Variants in PITPNM3 observed in about 807,000 individuals in gnomAD.
The protein encoded by PITPNM3 is PITPNM family member 3, also known as membrane-associated phosphatidylinositol transfer protein 3.
In PITPNM3, 26 loss-of-function variants were observed where a neutral mutation model predicts 102.0. The ratio of observed to expected loss-of-function variants is 0.25; its 90% confidence interval spans 0.19 to 0.35. The LOEUF (loss-of-function observed/expected upper bound fraction) is 0.35, where lower values mean the gene tolerates loss of function less well. Among genes scored for constraint, PITPNM3 ranks in the 10% least tolerant of loss-of-function variants. The pLI, the probability that PITPNM3 is intolerant of heterozygous loss-of-function variation, is 1.00. For synonymous variants in PITPNM3, 578 were observed against 558.6 expected (o/e 1.03, Z -0.49); for missense variants, 1,083 against 1,346.1 (o/e 0.80, Z 3.06).
At chr17:6,516,385 A>T (rs1490960141) in intron 3 of PITPNM3, among the ~76,000 whole-genome samples, 1 of 151,462 alleles carries the variant, frequency 6.6e-6, no homozygotes, top group Non-Finnish European at 1.5e-5. Context: ...AACATGGCGA[A>T]ACCCCGTCTC....
intron 4 of PITPNM3, among the ~76,000 whole-genome samples, chr17:6,494,905 A>G (rs957474653): frequency 6.6e-6 from 1 of 152,158 alleles, no homozygotes; most frequent in African/African-American, 2.4e-5. Context: ...GATTAAATAA[A>G]TTGGACCACA....
At chr17:6,520,176 A>G (rs748034827) in intron 3 of PITPNM3, among the ~76,000 whole-genome samples, 4 of 152,236 alleles carry the variant, frequency 2.6e-5, no homozygotes, top group African/African-American at 4.8e-5. Context: ...TTACCCGACC[A>G]TTACATAAAA....
At chr17:6,510,250 C>A (rs1907793714) in intron 3 of PITPNM3, among the ~76,000 whole-genome samples, 3 of 152,178 alleles carry the variant, frequency 2.0e-5, no homozygotes, top group Non-Finnish European at 4.4e-5. Flanking sequence ...TTTATACTAA[C>A]AATCTATGAG....
At chr17:6,463,619 C>T in intron 17 of PITPNM3, 113 bp downstream of exon 17, 1 of 1,437,674 alleles carries the variant, frequency 7.0e-7, no homozygotes, top group Non-Finnish European at 9.4e-7. Flanking sequence ...CAGCTCGCAG[C>T]CCCAGAGACC....
At chr17:6,549,173 C>G (rs1268519922) in intron 1 of PITPNM3, among the ~76,000 whole-genome samples, 1 of 152,152 alleles carries the variant, frequency 6.6e-6, no homozygotes, top group Non-Finnish European at 1.5e-5. Flanking sequence ...GAGACTCCTG[C>G]TTTCCAGAGG....
Position 6,471,416 on chromosome 17 carries a change from G to A in PITPNM3, c.1430-61C>T, listed in dbSNP as rs570114033. 7.4e-5 allele frequency: 105 copies of A among 1,410,866 alleles called. No individual in the cohort carries two copies. The African/African-American group carries it at 1.4e-3, about 19-fold the overall frequency. 87.4% of individuals were successfully genotyped at this position (1,410,866 alleles called of 1,614,324 possible). On this transcript the variant is annotated intron_variant, in intron 11 of 19. Coordinates refer to ENST00000262483, the MANE Select transcript of PITPNM3 (RefSeq NM_031220.4). ...TGTCTCCAGCAGAGCTGCCCACTCA[G>A]TGCCAGCCCCATGCTGGGAGGGAGG...
At chr17:6,544,193 G>T (rs555725127) in intron 1 of PITPNM3, among the ~76,000 whole-genome samples, 2 of 152,332 alleles carry the variant, frequency 1.3e-5, no homozygotes, top group Admixed American at 1.3e-4. Context: ...ACTGCAGCCT[G>T]CCAATGCTGG....
chr17:6,502,416 A>C lies in PITPNM3; in HGVS notation c.274+1111T>G, dbSNP rs531531175. Among the ~76,000 whole-genome samples, 13 of 152,218 alleles carry C rather than the reference A, an allele frequency of 8.5e-5. No homozygotes were observed. The South Asian group carries it at 2.7e-3, about 32-fold the overall frequency. ...GGTTGTAGTGAGCCGAGATCGTGCC[A>C]TTGCGCTCCAGCCTGGGTGACAGAG... On this transcript the variant is annotated intron_variant, in intron 4 of 19. Coordinates refer to ENST00000262483, the MANE Select transcript of PITPNM3 (RefSeq NM_031220.4).
intron 3 of PITPNM3, among the ~76,000 whole-genome samples, chr17:6,518,639 G>C (rs186515867): frequency 2.6e-5 from 4 of 152,240 alleles, no homozygotes; most frequent in Non-Finnish European, 5.9e-5. Flanking sequence ...AAACTAAGTA[G>C]AGAAAACGGT....
intron 4 of PITPNM3, among the ~76,000 whole-genome samples, chr17:6,489,904 T>G (rs1906346365): frequency 1.3e-5 from 2 of 151,752 alleles, no homozygotes. Context: ...CTCGGGAGGC[T>G]GAGGCAGAAG....
chr17:6,541,286 A>AGTGT (rs113549938), intron 1 of PITPNM3, among the ~76,000 whole-genome samples: 7,507 of 145,362 alleles, frequency 0.052, 278 homozygotes, highest in African/African-American at 0.11. Context: ...ATATGCTAAG[A>AGTGT]GTGTGTGTGT....
At chr17:6,495,706 C>T (rs1906765528) in intron 4 of PITPNM3, among the ~76,000 whole-genome samples, 1 of 151,798 alleles carries the variant, frequency 6.6e-6, no homozygotes, top group East Asian at 1.9e-4. Flanking sequence ...CTGGGAAGAC[C>T]CCTGGAGTTT....
intron 3 of PITPNM3, among the ~76,000 whole-genome samples, chr17:6,509,938 G>A (rs544893355): frequency 6.6e-6 from 1 of 151,974 alleles, no homozygotes; most frequent in Non-Finnish European, 1.5e-5. Context: ...TTCCACCCCT[G>A]CCTCTTTTCC....
At chr17:6,486,092 G>A (rs2150585326) in intron 4 of PITPNM3, among the ~76,000 whole-genome samples, 1 of 152,220 alleles carries the variant, frequency 6.6e-6, no homozygotes, top group African/African-American at 2.4e-5. Flanking sequence ...GCATCCAACA[G>A]CCACCCCTGA....
At chr17:6,512,427 G>C (rs1177371321) in intron 3 of PITPNM3, among the ~76,000 whole-genome samples, 1 of 152,176 alleles carries the variant, frequency 6.6e-6, no homozygotes, top group Non-Finnish European at 1.5e-5. Flanking sequence ...GAGGGAATTG[G>C]ACCTGTGGAG....
Position 6,525,417 on chromosome 17 carries a change from C to T in PITPNM3, c.165G>A (p.Gln55=). 3 of 1,614,214 alleles carry T rather than the reference C, an allele frequency of 1.9e-6. No homozygotes were observed. Among genetic ancestry groups the T allele is most frequent in the East Asian group, 2.2e-5 (1 of 44,882 alleles). Residue 55 remains glutamine, a synonymous_variant, in exon 3 of 20, where the codon CAG becomes CAA. Transcript: ENST00000262483. Reference sequence around the variant, plus strand: ...GCTCCACGAGGTCATTGGAGTTCCACTGGCTCATCCCAATGAGGATGGCAT... The same window carrying T: ...GCTCCACGAGGTCATTGGAGTTCCATTGGCTCATCCCAATGAGGATGGCAT... ...GKNAILIGMS[Q]WNSNDLVEQI... is the part of the protein sequence containing the mutation.
intron 1 of PITPNM3, among the ~76,000 whole-genome samples, chr17:6,550,086 C>G (rs356041): frequency 0.026 from 4,023 of 152,346 alleles, 117 homozygotes; most frequent in South Asian, 0.12. Flanking sequence ...GACCCTCAAA[C>G]TCTTCCCTTT....
chr17:6,499,856 A>G (rs12950615), intron 4 of PITPNM3, among the ~76,000 whole-genome samples: 37,044 of 151,932 alleles, frequency 0.24, 4,665 homozygotes, highest in South Asian at 0.31. Context: ...TCAGCCTCCC[A>G]AGTAGCTGGG....
At chr17:6,499,833 C>T (rs988872530) in intron 4 of PITPNM3, among the ~76,000 whole-genome samples, 1 of 152,108 alleles carries the variant, frequency 6.6e-6, no homozygotes, top group Non-Finnish European at 1.5e-5. Flanking sequence ...TGGGTTCAAG[C>T]GATTTTCCTG....
Sources: gnomAD v4.1 joint callset for allele counts (sites outside exome capture counted in the v4.1 genomes callset) on GRCh38, gnomAD v4.1.1 for gene constraint, MANE v1.5 for transcripts, NCBI Gene and HGNC (gene_info 2026-07-23, HGNC 2026-07-21) for gene names.